Variants in GABRG3 observed in about 807,000 individuals in gnomAD.
GABRG3 encodes gamma-aminobutyric acid type A receptor subunit gamma3, also known as gamma-aminobutyric acid receptor subunit gamma-3.
Under a neutral mutation model 48.8 loss-of-function variants are expected in GABRG3, and 25 were observed. That is an observed-to-expected ratio of 0.51 (90% CI 0.37 to 0.72). The LOEUF is 0.72. Among genes scored for constraint, GABRG3 ranks in the 30% least tolerant of loss-of-function variants. GABRG3 has a pLI of 0.00. For missense variants in GABRG3, 394 were observed against 577.9 expected (o/e 0.68, Z 3.26); for synonymous variants, 227 against 217.6 (o/e 1.04, Z -0.38).
At chr15:27,493,322 A>G (rs1852916420) in intron 6 of GABRG3, among the ~76,000 whole-genome samples, 1 of 152,084 alleles carries the variant, frequency 6.6e-6, no homozygotes, top group Non-Finnish European at 1.5e-5. Context: ...TTTTTTTTTA[A>G]AAAACTTAAA....
intron 3 of GABRG3, among the ~76,000 whole-genome samples, chr15:27,297,665 C>G (rs1201787061): frequency 6.6e-6 from 1 of 152,138 alleles, no homozygotes; most frequent in Admixed American, 6.5e-5. Context: ...GTTCACACAA[C>G]AACAGATTTG....
intron 3 of GABRG3, among the ~76,000 whole-genome samples, chr15:27,041,585 A>G (rs1466543002): frequency 6.6e-6 from 1 of 152,232 alleles, no homozygotes; most frequent in Non-Finnish European, 1.5e-5. Context: ...TAAATTCTTA[A>G]TTGAACATCC....
At chr15:27,367,384 G>T (rs888217550) in intron 5 of GABRG3, among the ~76,000 whole-genome samples, 5 of 152,174 alleles carry the variant, frequency 3.3e-5, no homozygotes, top group African/African-American at 9.7e-5. Flanking sequence ...ACCAATAAAG[G>T]TATGTGGTGT....
At chr15:27,137,823 T>G (rs1297196544) in intron 3 of GABRG3, among the ~76,000 whole-genome samples, 1 of 152,152 alleles carries the variant, frequency 6.6e-6, no homozygotes, top group Admixed American at 6.5e-5. Context: ...CCCCTTTCCT[T>G]TGGTGGTGGT....
At chr15:27,175,281 G>A (rs1009382966) in intron 3 of GABRG3, among the ~76,000 whole-genome samples, 39 of 152,214 alleles carry the variant, frequency 2.6e-4, no homozygotes, top group African/African-American at 8.7e-4. Context: ...GGTTTAGGGG[G>A]TATGTGTTTG....
chr15:27,187,996 C>A (rs369538965), intron 3 of GABRG3, among the ~76,000 whole-genome samples: 6 of 150,352 alleles, frequency 4.0e-5, no homozygotes, highest in African/African-American at 7.3e-5. Context: ...TTTGTTCTTG[C>A]GACAGTTTAC....
intron 3 of GABRG3, among the ~76,000 whole-genome samples, chr15:27,058,904 C>T (rs1016025871): frequency 1.2e-4 from 18 of 152,078 alleles, no homozygotes; most frequent in East Asian, 7.7e-4. Flanking sequence ...TAAATGCAAC[C>T]GTCATCACCA....
chr15:27,348,149 C>T (rs185561470), intron 5 of GABRG3, among the ~76,000 whole-genome samples: 1 of 590 alleles, frequency 1.7e-3, no homozygotes, highest in African/African-American at 0.014. Flanking sequence ...GAGCGAGACT[C>T]CATCTCAAAT....
At chr15:27,374,541 C>A (rs1208858471) in intron 5 of GABRG3, among the ~76,000 whole-genome samples, 1 of 152,136 alleles carries the variant, frequency 6.6e-6, no homozygotes, top group Non-Finnish European at 1.5e-5. Context: ...TATCCATACA[C>A]CCTGGTTGTA....
intron 5 of GABRG3, among the ~76,000 whole-genome samples, chr15:27,452,303 T>C (rs1468191275): frequency 6.6e-6 from 1 of 152,180 alleles, no homozygotes; most frequent in Non-Finnish European, 1.5e-5. Flanking sequence ...GATACAGCCA[T>C]GATGGAAAAC....
intron 3 of GABRG3, among the ~76,000 whole-genome samples, chr15:27,139,009 A>G (rs1191717087): frequency 3.3e-5 from 5 of 151,474 alleles, no homozygotes; most frequent in African/African-American, 1.2e-4. Flanking sequence ...GATAGGTGAT[A>G]GATAGATAGA....
At chr15:27,257,828 T>A (rs1723778937) in intron 3 of GABRG3, among the ~76,000 whole-genome samples, 1 of 149,490 alleles carries the variant, frequency 6.7e-6, no homozygotes. Flanking sequence ...TTTTTTTTTT[T>A]AACTTTTTAT....
At chr15:27,361,581 C>T (rs1194336904) in intron 5 of GABRG3, among the ~76,000 whole-genome samples, 1 of 152,186 alleles carries the variant, frequency 6.6e-6, no homozygotes, top group Non-Finnish European at 1.5e-5. Context: ...GCTCCCCTGC[C>T]AGAGAAGACT....
intron 5 of GABRG3, among the ~76,000 whole-genome samples, chr15:27,370,112 C>T (rs1390806300): frequency 6.6e-6 from 1 of 152,204 alleles, no homozygotes; most frequent in Non-Finnish European, 1.5e-5. Context: ...GCAGCAAATG[C>T]ATTGAAAGCA....
intron 3 of GABRG3, among the ~76,000 whole-genome samples, chr15:27,230,075 A>G (rs1347194210): frequency 6.6e-6 from 1 of 152,116 alleles, no homozygotes; most frequent in African/African-American, 2.4e-5. Context: ...TTTCTTTAAA[A>G]AGTGTTTTGT....
intron 2 of GABRG3, among the ~76,000 whole-genome samples, chr15:27,010,234 C>T (rs1215459117): frequency 1.3e-5 from 2 of 152,186 alleles, no homozygotes; most frequent in Non-Finnish European, 2.9e-5. Flanking sequence ...ATATCCAGAG[C>T]TGTGTGCCAC....
intron 3 of GABRG3, among the ~76,000 whole-genome samples, chr15:27,216,400 G>T (rs1889247689): frequency 1.3e-5 from 2 of 152,180 alleles, no homozygotes; most frequent in South Asian, 2.1e-4. Context: ...TGCACACAGG[G>T]TTCACTCTGC....
At chr15:27,124,960 G>A (rs1301675272) in intron 3 of GABRG3, among the ~76,000 whole-genome samples, 4 of 152,218 alleles carry the variant, frequency 2.6e-5, no homozygotes, top group South Asian at 2.1e-4. Context: ...AAACCTCAGC[G>A]CACTCTGGTA....
At chr15:27,116,540 C>CA (rs1231966782) in intron 3 of GABRG3, among the ~76,000 whole-genome samples, 1 of 152,070 alleles carries the variant, frequency 6.6e-6, no homozygotes, top group African/African-American at 2.4e-5. Context: ...TCTACTATGA[C>CA]AACTACTTTT....
Sources: allele counts gnomAD v4.1 joint callset (sites outside exome capture counted in the v4.1 genomes callset), GRCh38; gene constraint gnomAD v4.1.1; transcripts MANE v1.5; gene names NCBI Gene and HGNC (gene_info 2026-07-23, HGNC 2026-07-21).